PEX5L: variants seen among roughly 807,000 people sequenced by gnomAD.
PEX5L encodes the protein peroxisomal biogenesis factor 5 like.
PEX5L carries 30 observed loss-of-function variants against 84.0 expected under a neutral mutation model. The ratio of observed to expected loss-of-function variants is 0.36; its 90% CI spans 0.27 to 0.48. The LOEUF (loss-of-function observed/expected upper bound fraction) is 0.48, where lower values mean the gene tolerates loss of function less well. PEX5L is among the 20% of genes least tolerant of loss of function. The pLI, the probability that PEX5L is intolerant of heterozygous loss-of-function variation, is 0.99. For missense variants in PEX5L, 533 were observed against 754.6 expected (o/e 0.71, Z 3.44); for synonymous variants, 270 against 283.1 (o/e 0.95, Z 0.46).
At chr3:180,014,149 T>C (rs1789727836) in intron 1 of PEX5L, among the ~76,000 whole-genome samples, 1 of 152,202 alleles carries the variant, frequency 6.6e-6, no homozygotes, top group Non-Finnish European at 1.5e-5. Flanking sequence ...TAGTTTCTCT[T>C]AGAAAATTAT....
intron 1 of PEX5L, among the ~76,000 whole-genome samples, chr3:179,984,252 T>G (rs1214716325): frequency 2.6e-5 from 4 of 152,134 alleles, no homozygotes; most frequent in Admixed American, 6.6e-5. Flanking sequence ...TGCAAAAGAT[T>G]AAATGCAGAA....
intron 1 of PEX5L, chr3:179,973,619 T>C (rs1785310818): frequency 1.1e-5 from 11 of 985,352 alleles, no homozygotes; most frequent in Non-Finnish European, 1.3e-5. Flanking sequence ...TAATCTCCTA[T>C]TCTAAACTTT....
At chr3:180,034,269 G>A (rs1791703380) in intron 1 of PEX5L, among the ~76,000 whole-genome samples, 1 of 152,172 alleles carries the variant, frequency 6.6e-6, no homozygotes, top group African/African-American at 2.4e-5. Context: ...TATCAGTCAA[G>A]TAACATTATG....
chr3:179,891,842 C>T (rs1376982497), intron 3 of PEX5L, among the ~76,000 whole-genome samples: 5 of 152,104 alleles, frequency 3.3e-5, no homozygotes, highest in African/African-American at 2.4e-5. Flanking sequence ...GACTTGAGAA[C>T]AAATACATGT....
intron 2 of PEX5L, among the ~76,000 whole-genome samples, chr3:179,905,027 T>C (rs1220491436): frequency 6.6e-6 from 1 of 152,206 alleles, no homozygotes; most frequent in Non-Finnish European, 1.5e-5. Flanking sequence ...TCACAAGCCT[T>C]TGAAACAATT....
At chr3:179,971,255 C>T (rs1784663351) in intron 2 of PEX5L, among the ~76,000 whole-genome samples, 1 of 151,998 alleles carries the variant, frequency 6.6e-6, no homozygotes, top group African/African-American at 2.4e-5. Context: ...TTCTCATTTT[C>T]AAGATAATAT....
intron 8 of PEX5L, among the ~76,000 whole-genome samples, chr3:179,846,398 T>C (rs1739358062): frequency 6.6e-6 from 1 of 152,218 alleles, no homozygotes; most frequent in Non-Finnish European, 1.5e-5. Context: ...TTGTTAACTA[T>C]AGTTGCCCTA....
intron 11 of PEX5L, among the ~76,000 whole-genome samples, chr3:179,810,002 C>CTTTTTTTTTTTTTTTTTTTTTTT (rs35662193): frequency 2.2e-5 from 1 of 45,306 alleles, no homozygotes. Flanking sequence ...TTTAATGCTG[C>CTTTTTTTTTTTTTTTTTTTTTTT]TTTTTTTTTT....
chr3:179,860,503 G>A (rs1244901051), intron 7 of PEX5L, among the ~76,000 whole-genome samples: 4 of 152,332 alleles, frequency 2.6e-5, no homozygotes, highest in South Asian at 2.1e-4. Flanking sequence ...GGTGGGACCC[G>A]GGCCTTTGAT....
chr3:179,832,775 C>T (rs1039563473), intron 8 of PEX5L, among the ~76,000 whole-genome samples: 9 of 151,316 alleles, frequency 5.9e-5, no homozygotes, highest in Non-Finnish European at 1.3e-4. Context: ...GATCTACCTA[C>T]TTACCCGCCC....
At chr3:179,816,636 A>G (rs1726220435) in intron 9 of PEX5L, among the ~76,000 whole-genome samples, 1 of 152,206 alleles carries the variant, frequency 6.6e-6, no homozygotes, top group Non-Finnish European at 1.5e-5. Flanking sequence ...TACTTAATGT[A>G]GATGATGGGT....
At chr3:179,896,128 G>C in intron 3 of PEX5L, 1 of 152,152 alleles carries the variant, frequency 6.6e-6, no homozygotes, top group East Asian at 1.9e-4. Context: ...TTTTTGGTTT[G>C]TGCATGCCAC....
chr3:179,951,410 C>T (rs1012465503), intron 2 of PEX5L, among the ~76,000 whole-genome samples: 3 of 151,968 alleles, frequency 2.0e-5, no homozygotes, highest in African/African-American at 7.3e-5. Flanking sequence ...TGATTAAATT[C>T]TGGGCAATGA....
intron 1 of PEX5L, among the ~76,000 whole-genome samples, chr3:179,992,611 T>C (rs1016252208): frequency 6.6e-6 from 1 of 152,198 alleles, no homozygotes; most frequent in Non-Finnish European, 1.5e-5. Context: ...ACGTAACAGA[T>C]GGCTCCCACT....
At chr3:179,936,555 G>A (rs1774668227) in intron 2 of PEX5L, among the ~76,000 whole-genome samples, 1 of 109,906 alleles carries the variant, frequency 9.1e-6, no homozygotes, top group African/African-American at 3.4e-5. Context: ...TGTTGATTCT[G>A]AGTAACTTAA....
At chr3:180,021,457 T>TC (rs1182491670) in intron 1 of PEX5L, among the ~76,000 whole-genome samples, 1 of 152,116 alleles carries the variant, frequency 6.6e-6, no homozygotes, top group Non-Finnish European at 1.5e-5. Context: ...TGCAGTGGGG[T>TC]CCAGGAATCT....
chr3:179,893,390 G>A (rs1758204261), intron 3 of PEX5L, among the ~76,000 whole-genome samples: 1 of 152,056 alleles, frequency 6.6e-6, no homozygotes, highest in Non-Finnish European at 1.5e-5. Context: ...ATGAAAAGAT[G>A]TTTTGCTTTT....
chr3:179,943,258 T>A (rs1395081943), intron 2 of PEX5L, among the ~76,000 whole-genome samples: 1 of 152,266 alleles, frequency 6.6e-6, no homozygotes, highest in African/African-American at 2.4e-5. Context: ...CTATGCCCTG[T>A]ATGGCCAGCA....
At position 179,947,296 on chromosome 3, in the gene PEX5L, T is replaced by C. The variant is rs1405306886; in HGVS notation, c.93+24298A>G. 2.1e-5 allele frequency among the ~76,000 whole-genome samples: 3 copies of C among 144,410 alleles called. No homozygotes were observed. The East Asian group carries it at 5.8e-4, about 28-fold the overall frequency. 94.7% of individuals were successfully genotyped at this position (144,410 alleles called of 152,430 possible). A position where few individuals can be genotyped will look rare whatever the true frequency, so the allele number is the denominator to read the frequency against. On this transcript the variant is annotated intron_variant, in intron 2 of 14. Transcript: ENST00000467460. ...TAATGATAATACAGTTACCATTAATTGAATAAAAATTATATTTTTATTATA... is the reference window on the plus strand; with the variant it reads ...TAATGATAATACAGTTACCATTAATCGAATAAAAATTATATTTTTATTATA...
Sources: allele counts gnomAD v4.1 joint callset (sites outside exome capture counted in the v4.1 genomes callset), GRCh38; gene constraint gnomAD v4.1.1; transcripts MANE v1.5; gene names NCBI Gene and HGNC (gene_info 2026-07-23, HGNC 2026-07-21).